The following PTAFR variants were observed in gnomAD, a reference collection of about 807,000 sequenced individuals.
PTAFR encodes the protein platelet activating factor receptor, also known as platelet-activating factor receptor.
A neutral mutation model predicts 14.7 loss-of-function variants in PTAFR; 8 were observed. The observed-to-expected ratio is 0.54, with a 90% CI of 0.32 to 0.98. The LOEUF (loss-of-function observed/expected upper bound fraction) is 0.98, where lower values mean the gene tolerates loss of function less well. Among genes scored for constraint, PTAFR ranks in the 50% least tolerant of loss-of-function variants. The pLI is 0.04. For missense variants in PTAFR, 337 were observed against 451.2 expected, an observed-to-expected ratio of 0.75 and a Z score of 2.29; for synonymous variants, 156 against 176.5, an observed-to-expected ratio of 0.88 and a Z score of 0.92.
At chr1:28,193,114 C>T (rs1405171281) in intron 1 of PTAFR, among the ~76,000 whole-genome samples, 5 of 151,924 alleles carry the variant, frequency 3.3e-5, no homozygotes, top group African/African-American at 4.8e-5. Context: ...AACAGTAGGG[C>T]GGGTGCATCT....
intron 1 of PTAFR, among the ~76,000 whole-genome samples, 159 bp from the exon 2 acceptor site, chr1:28,151,218 T>C (rs912804133): frequency 2.6e-5 from 4 of 151,980 alleles, no homozygotes; most frequent in African/African-American, 9.7e-5. Context: ...TCACTCTTGC[T>C]GCCCAGGCTG....
chr1:28,183,330 A>G (rs1035488699), intron 1 of PTAFR, among the ~76,000 whole-genome samples: 2 of 152,220 alleles, frequency 1.3e-5, no homozygotes, highest in Non-Finnish European at 2.9e-5. Context: ...ATTTGAGTGC[A>G]AAAAAGAAAT....
At chr1:28,158,052 C>T (rs531347798) in intron 1 of PTAFR, among the ~76,000 whole-genome samples, 7 of 152,218 alleles carry the variant, frequency 4.6e-5, no homozygotes, top group African/African-American at 1.7e-4. Context: ...GCTCCCGGAG[C>T]TGAGCAGTGC....
chr1:28,187,209 G>A (rs574379323), intron 1 of PTAFR, among the ~76,000 whole-genome samples: 3 of 152,198 alleles, frequency 2.0e-5, no homozygotes, highest in African/African-American at 4.8e-5. Flanking sequence ...GAAGTGAGGA[G>A]GAATAAACAG....
intron 1 of PTAFR, among the ~76,000 whole-genome samples, chr1:28,182,944 G>A (rs537606087): frequency 4.5e-4 from 69 of 152,296 alleles, no homozygotes; most frequent in African/African-American, 1.6e-3. Context: ...GCCTCCCAAA[G>A]TGCTGGGATT....
intron 1 of PTAFR, among the ~76,000 whole-genome samples, chr1:28,187,864 C>G (rs189587854): frequency 7.3e-4 from 111 of 152,278 alleles, no homozygotes; most frequent in African/African-American, 2.5e-3. Context: ...AATGTGAAAA[C>G]TGTACATTAA....
At chr1:28,174,643 T>A (rs945334280) in intron 1 of PTAFR, among the ~76,000 whole-genome samples, 12 of 152,358 alleles carry the variant, frequency 7.9e-5, no homozygotes, top group African/African-American at 2.9e-4. Context: ...TGGCTCACCG[T>A]CCGTTCCCTT....
chr1:28,166,479 C>G (rs1646386181), intron 1 of PTAFR, among the ~76,000 whole-genome samples: 1 of 152,102 alleles, frequency 6.6e-6, no homozygotes. Flanking sequence ...GAAGACCAGC[C>G]TGGCCAACAT....
chr1:28,151,665 A>G (rs313150), intron 1 of PTAFR, among the ~76,000 whole-genome samples: 1 of 150,566 alleles, frequency 6.6e-6, no homozygotes, highest in East Asian at 1.9e-4. Context: ...GTCTCACACA[A>G]AAAAAAAAAA....
rs769890718 is a variant in PTAFR, at chr1:28,149,867, C to T, written c.*126G>A. ...CATCATCCCTGCCCAGGTGAGGTAG[C>T]CTCCAAATCTAATGGCCCACCAGTG... On this transcript the variant is annotated 3_prime_UTR_variant, in exon 2 of 2. Coordinates refer to ENST00000373857, the MANE Select transcript of PTAFR (RefSeq NM_000952.5). The T allele has an allele frequency of 1.2e-5, 15 of 1,281,668 alleles. No homozygotes were observed. The highest frequency in any genetic ancestry group is 1.5e-5 in the Non-Finnish European group (14 of 933,386). 79.4% of individuals were successfully genotyped at this position (1,281,668 alleles called of 1,614,324 possible).
chr1:28,180,624 T>A (rs1429791317), upstream of PTAFR, among the ~76,000 whole-genome samples: 1 of 152,072 alleles, frequency 6.6e-6, no homozygotes, highest in African/African-American at 2.4e-5. Context: ...AATCCCACAG[T>A]GGGTCTGGAG....
chr1:28,159,551 G>A (rs887460788), intron 1 of PTAFR, among the ~76,000 whole-genome samples: 2 of 152,000 alleles, frequency 1.3e-5, no homozygotes, highest in Admixed American at 6.6e-5. Flanking sequence ...CAAGAAGTTC[G>A]ATTGAGCCAG....
At chr1:28,173,300 G>C (rs570567486) in intron 1 of PTAFR, among the ~76,000 whole-genome samples, 75 of 72,120 alleles carry the variant, frequency 1.0e-3, no homozygotes, top group African/African-American at 3.4e-3. Context: ...AAAAAAAAAG[G>C]GGGGGGGGTG....
intron 1 of PTAFR, among the ~76,000 whole-genome samples, chr1:28,157,831 C>A (rs939151638): frequency 6.6e-6 from 1 of 151,242 alleles, no homozygotes; most frequent in Admixed American, 6.6e-5. Context: ...GGGGTTTCAC[C>A]ATGTTAGCCA....
chr1:28,153,210 A>G (rs187491872), intron 1 of PTAFR, among the ~76,000 whole-genome samples: 8 of 152,254 alleles, frequency 5.3e-5, no homozygotes, highest in African/African-American at 1.9e-4. Flanking sequence ...CTGAGGCAGA[A>G]GGATCGCTTG....
upstream of PTAFR, among the ~76,000 whole-genome samples, chr1:28,180,664 T>C (rs1290141217): frequency 2.0e-5 from 3 of 152,144 alleles, no homozygotes; most frequent in Non-Finnish European, 1.5e-5. Flanking sequence ...AGGACAGACA[T>C]ACCTGAGAAA....
At chr1:28,160,645 G>A (rs1646313709) in intron 1 of PTAFR, among the ~76,000 whole-genome samples, 1 of 150,544 alleles carries the variant, frequency 6.6e-6, no homozygotes, top group Non-Finnish European at 1.5e-5. Context: ...GGCTTCCCAG[G>A]AACCCAACCT....
chr1:28,190,010 T>C (rs1646639274), intron 1 of PTAFR, among the ~76,000 whole-genome samples: 1 of 145,924 alleles, frequency 6.9e-6, no homozygotes, highest in Non-Finnish European at 1.5e-5. Flanking sequence ...CTCTTGTTCG[T>C]TGCCCAGGCT....
intron 1 of PTAFR, among the ~76,000 whole-genome samples, chr1:28,190,057 C>T (rs1646639532): frequency 6.6e-6 from 1 of 151,994 alleles, no homozygotes; most frequent in Admixed American, 6.6e-5. Flanking sequence ...ACTGCAACCT[C>T]CACCTCCCAG....
Sources: allele counts gnomAD v4.1 joint callset (sites outside exome capture counted in the v4.1 genomes callset), GRCh38; gene constraint gnomAD v4.1.1; transcripts MANE v1.5; gene names NCBI Gene and HGNC (gene_info 2026-07-23, HGNC 2026-07-21).